The following CDIN1 variants were observed in gnomAD, a reference collection of about 807,000 sequenced individuals.
The protein encoded by CDIN1 is CDAN1-interacting nuclease 1.
In CDIN1, 33 loss-of-function variants were observed where a neutral mutation model predicts 45.3. The ratio of observed to expected loss-of-function variants is 0.73; its 90% CI spans 0.55 to 0.97. CDIN1 has a LOEUF of 0.97. Among genes scored for constraint, CDIN1 ranks in the 50% least tolerant of loss-of-function variants. The pLI is 0.00. For missense variants in CDIN1, 303 were observed against 339.4 expected, an observed-to-expected ratio of 0.89 and a Z score of 0.84; for synonymous variants, 118 against 124.4, an observed-to-expected ratio of 0.95 and a Z score of 0.34.
chr15:36,740,191 A>C (rs74721469), intron 10 of CDIN1, among the ~76,000 whole-genome samples: 1 of 152,138 alleles, frequency 6.6e-6, no homozygotes, highest in Non-Finnish European at 1.5e-5. Flanking sequence ...AACTTATTTG[A>C]TGAAGGACCT....
intron 10 of CDIN1, among the ~76,000 whole-genome samples, chr15:36,804,356 C>T (rs1444186886): frequency 6.6e-6 from 1 of 152,104 alleles, no homozygotes; most frequent in Non-Finnish European, 1.5e-5. Flanking sequence ...CTGACCCCTG[C>T]CTGCACCCCT....
At chr15:36,643,439 C>T (rs1681219049) in intron 1 of CDIN1, among the ~76,000 whole-genome samples, 1 of 152,116 alleles carries the variant, frequency 6.6e-6, no homozygotes, top group South Asian at 2.1e-4. Context: ...GTAATCTAGT[C>T]AGATAGCATT....
chr15:36,738,062 TCCTTC>T (rs2044096893), intron 10 of CDIN1, among the ~76,000 whole-genome samples: 2 of 152,284 alleles, frequency 1.3e-5, no homozygotes, highest in South Asian at 4.1e-4. Context: ...CATTCATGCT[TCCTTC>T]TCTTCTAACT....
intron 1 of CDIN1, among the ~76,000 whole-genome samples, chr15:36,608,270 A>G (rs1205660685): frequency 6.6e-6 from 1 of 152,234 alleles, no homozygotes; most frequent in Non-Finnish European, 1.5e-5. Context: ...AAGTGGCTGC[A>G]TCATTTTACG....
At chr15:36,759,959 T>C (rs1038316363) in intron 10 of CDIN1, among the ~76,000 whole-genome samples, 1 of 152,098 alleles carries the variant, frequency 6.6e-6, no homozygotes, top group South Asian at 2.1e-4. Flanking sequence ...CCTCCAACAA[T>C]TGAGAACACA....
At chr15:36,753,802 A>G (rs2053536973) in intron 10 of CDIN1, among the ~76,000 whole-genome samples, 1 of 152,100 alleles carries the variant, frequency 6.6e-6, no homozygotes, top group Admixed American at 6.6e-5. Flanking sequence ...AAATGGCACA[A>G]TGAATAACAA....
intron 1 of CDIN1, among the ~76,000 whole-genome samples, chr15:36,609,807 G>T (rs577840897): frequency 6.6e-6 from 1 of 152,322 alleles, no homozygotes; most frequent in East Asian, 1.9e-4. Context: ...TGTCCATGTG[G>T]ATAGAAAGAG....
chr15:36,638,405 G>A (rs983424049), intron 1 of CDIN1, among the ~76,000 whole-genome samples: 1 of 152,160 alleles, frequency 6.6e-6, no homozygotes, highest in East Asian at 1.9e-4. Flanking sequence ...GAGGGCCCCG[G>A]CATCCTCTAT....
chr15:36,768,244 C>A (rs1167009970), intron 10 of CDIN1, among the ~76,000 whole-genome samples: 4 of 152,212 alleles, frequency 2.6e-5, no homozygotes, highest in Admixed American at 6.5e-5. Flanking sequence ...TGGAAGAAAG[C>A]CCTGGACTCT....
intron 8 of CDIN1, chr15:36,701,892 G>A (rs912408912): frequency 1.4e-5 from 8 of 584,734 alleles, no homozygotes; most frequent in Middle Eastern, 4.4e-4. Context: ...GTCCCTTGTC[G>A]TAAGAAATTA....
At position 36,801,640 on chromosome 15, in the gene CDIN1, T is replaced by G. The variant is rs529117627; in HGVS notation, c.717-6684T>G. Reference sequence around the variant, plus strand: ...AGCTGTGGCAGTGTTCTGGATTTACTCCTCTTCCCTCATGTTTAGATTCTG... The same window carrying G: ...AGCTGTGGCAGTGTTCTGGATTTACGCCTCTTCCCTCATGTTTAGATTCTG... On this transcript the variant is annotated intron_variant, in intron 10 of 10. Transcript: ENST00000566621. Among the ~76,000 whole-genome samples the G allele has an allele frequency of 3.9e-5, 6 of 152,310 alleles. No homozygotes were observed. In the East Asian group the frequency reaches 1.2e-3, roughly 29 times the overall value.
At chr15:36,709,195 A>C (rs886662093) in intron 8 of CDIN1, 28 bp from the exon 9 acceptor site, 19 of 1,569,352 alleles carry the variant, frequency 1.2e-5, no homozygotes, top group Non-Finnish European at 1.3e-5. Flanking sequence ...ATAGTGTTTT[A>C]AGTAAATAGT....
At chr15:36,580,297 T>A (rs11638468) in intron 1 of CDIN1, among the ~76,000 whole-genome samples, 73,208 of 152,094 alleles carry the variant, frequency 0.48, 17,848 homozygotes, top group Admixed American at 0.55. Context: ...TAGGAATGAA[T>A]GATGGGTGGG....
At position 36,777,848 on chromosome 15, in the gene CDIN1, C is replaced by T. The variant is rs552016682; in HGVS notation, c.717-30476C>T. Among the ~76,000 whole-genome samples the T allele has an allele frequency of 5.1e-3, 769 of 152,272 alleles. 1 individual carries two copies. The highest frequency in any genetic ancestry group is 8.5e-3 in the Non-Finnish European group (578 of 68,010). ...CTGGTCTCGAACTCCTGGGCTCAAA[C>T]CATCTGCCCGCCTCGGCCTCCCAAA... On this transcript the variant is annotated intron_variant, in intron 10 of 10. Coordinates refer to ENST00000566621, the MANE Select transcript of CDIN1 (RefSeq NM_001321759.2).
At chr15:36,583,201 T>C (rs1199955548) in intron 1 of CDIN1, among the ~76,000 whole-genome samples, 1 of 152,110 alleles carries the variant, frequency 6.6e-6, no homozygotes, top group Non-Finnish European at 1.5e-5. Flanking sequence ...TGTCCTAATA[T>C]ATGAAAGAAA....
chr15:36,638,365 GA>G (rs2039984020), intron 1 of CDIN1, among the ~76,000 whole-genome samples: 1 of 152,160 alleles, frequency 6.6e-6, no homozygotes, highest in South Asian at 2.1e-4. Flanking sequence ...ACTCTTCATT[GA>G]ATATTGTTTT....
intron 7 of CDIN1, among the ~76,000 whole-genome samples, chr15:36,696,946 T>TAAA (rs1163749494): frequency 1.2e-4 from 11 of 92,246 alleles, no homozygotes; most frequent in African/African-American, 2.6e-4. Flanking sequence ...ATTCCATTTC[T>TAAA]AAAAAAAAAA....
intron 5 of CDIN1, among the ~76,000 whole-genome samples, chr15:36,681,965 G>C (rs1251131097): frequency 1.3e-5 from 2 of 152,050 alleles, no homozygotes; most frequent in African/African-American, 4.8e-5. Context: ...TGCTGAAAAA[G>C]GAAATACGGC....
At position 36,592,397 on chromosome 15, in the gene CDIN1, T is replaced by C. The variant is rs541550171; in HGVS notation, c.101+12436T>C. 3.3e-5 allele frequency among the ~76,000 whole-genome samples: 5 copies of C among 152,294 alleles called. No individual in the cohort carries two copies. In the South Asian group the frequency reaches 1.0e-3, roughly 32 times the overall value. ...CTTCTCCAGCCCTACCACCCCTCAC[T>C]ACCAAAGGCAGTTGTTAAGCCTCAC... On this transcript the variant is annotated intron_variant, in intron 1 of 10. Transcript: ENST00000566621.
Sources: allele counts gnomAD v4.1 joint callset (sites outside exome capture counted in the v4.1 genomes callset), GRCh38; gene constraint gnomAD v4.1.1; transcripts MANE v1.5; gene names NCBI Gene and HGNC (gene_info 2026-07-23, HGNC 2026-07-21).